Variants in ANKS1B observed in about 807,000 individuals in gnomAD.
ANKS1B encodes the protein ankyrin repeat and sterile alpha motif domain containing 1B, also known as ankyrin repeat and sterile alpha motif domain-containing protein 1B.
A neutral mutation model predicts 148.3 loss-of-function variants in ANKS1B; 36 were observed. That is an observed-to-expected ratio of 0.24 (90% CI 0.19 to 0.32). The LOEUF is 0.32. ANKS1B is among the 10% of genes least tolerant of loss of function. ANKS1B has a pLI of 1.00. For missense variants in ANKS1B, 1,157 were observed against 1,542.6 expected (o/e 0.75, Z 4.19); for synonymous variants, 542 against 560.8 (o/e 0.97, Z 0.47).
At chr12:99,507,711 C>G (rs904688675) in intron 9 of ANKS1B, among the ~76,000 whole-genome samples, 5 of 151,724 alleles carry the variant, frequency 3.3e-5, no homozygotes, top group Non-Finnish European at 7.4e-5. Flanking sequence ...TTGGTAAAAA[C>G]GAAGATAGTG....
At chr12:99,612,943 A>G (rs999500968) in intron 9 of ANKS1B, among the ~76,000 whole-genome samples, 6 of 152,118 alleles carry the variant, frequency 3.9e-5, no homozygotes, top group Non-Finnish European at 8.8e-5. Flanking sequence ...GAAGGCCTTC[A>G]AGTAATGAGT....
At chr12:99,433,232 T>G (rs907009076) in intron 11 of ANKS1B, among the ~76,000 whole-genome samples, 3 of 152,092 alleles carry the variant, frequency 2.0e-5, no homozygotes, top group African/African-American at 4.8e-5. Flanking sequence ...ACTGAAGATT[T>G]TTTGTTCATG....
chr12:98,895,440 G>T (rs1364525919), intron 17 of ANKS1B: 1 of 401,082 alleles, frequency 2.5e-6, no homozygotes, highest in Non-Finnish European at 3.4e-6. Flanking sequence ...TACTGCGGTC[G>T]CCGCCGCTGG....
chr12:99,015,537 G>C (rs1166906175), intron 17 of ANKS1B, among the ~76,000 whole-genome samples: 1 of 152,086 alleles, frequency 6.6e-6, no homozygotes, highest in African/African-American at 2.4e-5. Context: ...AAAAGAACTG[G>C]GTGCCAGATG....
chr12:99,510,290 G>A (rs2096751798), intron 9 of ANKS1B, among the ~76,000 whole-genome samples: 1 of 152,056 alleles, frequency 6.6e-6, no homozygotes, highest in Admixed American at 6.6e-5. Flanking sequence ...TAAGGCTATA[G>A]CTGTCATAGA....
At chr12:99,180,665 A>T (rs1419785539) in intron 14 of ANKS1B, among the ~76,000 whole-genome samples, 1 of 149,144 alleles carries the variant, frequency 6.7e-6, no homozygotes, top group East Asian at 1.9e-4. Flanking sequence ...ACGAAATTTC[A>T]AAAAAGGGAA....
intron 1 of ANKS1B, among the ~76,000 whole-genome samples, chr12:99,898,855 G>GACA (rs999964726): frequency 1.3e-5 from 2 of 152,144 alleles, no homozygotes; most frequent in Admixed American, 1.3e-4. Flanking sequence ...TGATGATGAC[G>GACA]ACAACAACAA....
intron 9 of ANKS1B, among the ~76,000 whole-genome samples, chr12:99,512,772 G>A (rs2096779409): frequency 1.3e-5 from 2 of 152,054 alleles, no homozygotes; most frequent in African/African-American, 2.4e-5. Context: ...GGAGCTGGAA[G>A]CCATTTTCCT....
intron 12 of ANKS1B, among the ~76,000 whole-genome samples, chr12:99,316,826 T>C (rs539563247): frequency 6.6e-5 from 10 of 152,122 alleles, no homozygotes; most frequent in South Asian, 2.1e-4. Context: ...GTCTTTAATC[T>C]ATCTTGAATT....
At chr12:99,157,999 C>T (rs2076254068) in intron 14 of ANKS1B, among the ~76,000 whole-genome samples, 1 of 151,726 alleles carries the variant, frequency 6.6e-6, no homozygotes, top group Non-Finnish European at 1.5e-5. Flanking sequence ...ATAATTTTTA[C>T]ATGTTGACAA....
chr12:99,834,389 A>G (rs1343578309), intron 1 of ANKS1B, among the ~76,000 whole-genome samples: 2 of 152,194 alleles, frequency 1.3e-5, no homozygotes, highest in South Asian at 2.1e-4. Flanking sequence ...AATATCTTAA[A>G]TTCTGTATGT....
At chr12:99,114,459 G>A (rs1281227949) in intron 15 of ANKS1B, among the ~76,000 whole-genome samples, 1 of 152,118 alleles carries the variant, frequency 6.6e-6, no homozygotes, top group African/African-American at 2.4e-5. Context: ...CATCTATAAA[G>A]AATTTAAACA....
chr12:99,366,177 A>C lies in ANKS1B; in HGVS notation c.1756+33454T>G, dbSNP rs149780761. Among the ~76,000 whole-genome samples the C allele has an allele frequency of 9.7e-3, 1,470 of 152,308 alleles. 54 individuals carry two copies. Among genetic ancestry groups the C allele is most frequent in the Admixed American group, 0.063 (957 of 15,304 alleles). On this transcript the variant is annotated intron_variant, in intron 12 of 26. Transcript: ENST00000683438. ...TTAGAAGCACTTGTGCAAGACTGGA[A>C]GGTGTTAGGAAGGGAGAAGTCAGGG...
At chr12:99,743,099 T>A (rs2060275613) in intron 8 of ANKS1B, among the ~76,000 whole-genome samples, 1 of 152,222 alleles carries the variant, frequency 6.6e-6, no homozygotes, top group African/African-American at 2.4e-5. Context: ...AACTCTGCCT[T>A]AATTATTCAC....
At chr12:99,880,814 A>G (rs927150544) in intron 1 of ANKS1B, among the ~76,000 whole-genome samples, 1 of 152,218 alleles carries the variant, frequency 6.6e-6, no homozygotes, top group Non-Finnish European at 1.5e-5. Flanking sequence ...CAAGAGCCCC[A>G]TCAAGACAGA....
intron 11 of ANKS1B, among the ~76,000 whole-genome samples, chr12:99,434,575 A>G (rs2095430042): frequency 6.6e-6 from 1 of 152,036 alleles, no homozygotes; most frequent in Admixed American, 6.6e-5. Flanking sequence ...TATTTTCATT[A>G]TTCTTATAGC....
At chr12:98,895,014 C>T in intron 17 of ANKS1B, 1 of 800,932 alleles carries the variant, frequency 1.2e-6, no homozygotes, top group South Asian at 5.4e-5. Flanking sequence ...GCGGCGCGTC[C>T]TCCCCCGAAC....
At chr12:99,217,328 T>C (rs2084373308) in intron 14 of ANKS1B, among the ~76,000 whole-genome samples, 1 of 151,910 alleles carries the variant, frequency 6.6e-6, no homozygotes, top group Non-Finnish European at 1.5e-5. Context: ...ACCTGCTAAA[T>C]TTCCTTGAAA....
chr12:99,227,316 T>C (rs901074312), intron 14 of ANKS1B, among the ~76,000 whole-genome samples: 2 of 152,190 alleles, frequency 1.3e-5, no homozygotes, highest in Admixed American at 6.5e-5. Flanking sequence ...TCTACCATGA[T>C]TGTAAGCTTT....
Sources: allele counts gnomAD v4.1 joint callset (sites outside exome capture counted in the v4.1 genomes callset), GRCh38; gene constraint gnomAD v4.1.1; transcripts MANE v1.5; gene names NCBI Gene and HGNC (gene_info 2026-07-23, HGNC 2026-07-21).